The following RNF38 variants were observed in gnomAD, a reference collection of about 807,000 sequenced individuals.
RNF38 encodes E3 ubiquitin-protein ligase RNF38.
A neutral mutation model predicts 67.2 loss-of-function variants in RNF38; 15 were observed. That is an observed-to-expected ratio of 0.22 (90% CI 0.15 to 0.34). The LOEUF (loss-of-function observed/expected upper bound fraction) is 0.34. RNF38 is among the 10% of genes least tolerant of loss of function. The pLI is 1.00. For synonymous variants in RNF38, 220 were observed against 218.8 expected (o/e 1.01, Z -0.05); for missense variants, 524 against 639.9 (o/e 0.82, Z 1.95).
At chr9:36,438,266 A>G (rs1450024341) in intron 1 of RNF38, among the ~76,000 whole-genome samples, 1 of 152,016 alleles carries the variant, frequency 6.6e-6, no homozygotes, top group Non-Finnish European at 1.5e-5. Context: ...CAGACCTTCA[A>G]AGTAGTCCAA....
intron 1 of RNF38, among the ~76,000 whole-genome samples, chr9:36,446,777 C>T (rs535761992): frequency 7.5e-6 from 1 of 133,142 alleles, no homozygotes; most frequent in African/African-American, 2.8e-5. Flanking sequence ...CACTGCACTT[C>T]AGCCTGGGCG....
chr9:36,376,633 GAGTTACATGGGGCCGGGC>G (rs1341552896), intron 2 of RNF38, among the ~76,000 whole-genome samples: 1 of 151,828 alleles, frequency 6.6e-6, no homozygotes, highest in Admixed American at 6.6e-5. Context: ...TTTTTAAAGA[GAGTTACATGGGGCCGGGC>G]ACAGTGGCTC....
intron 1 of RNF38, 25 bp downstream of exon 1, chr9:36,400,072 T>C: frequency 6.2e-7 from 1 of 1,608,460 alleles, no homozygotes; most frequent in African/African-American, 1.3e-5. Context: ...ATATCATTTT[T>C]GCAACACAAA....
At chr9:36,372,884 A>G (rs778421836) in intron 3 of RNF38, among the ~76,000 whole-genome samples, 4 of 152,204 alleles carry the variant, frequency 2.6e-5, no homozygotes, top group Non-Finnish European at 5.9e-5. Flanking sequence ...AGAGAAATGC[A>G]CACACAAAGG....
At chr9:36,427,616 G>A (rs567168129) in intron 1 of RNF38, among the ~76,000 whole-genome samples, 3 of 152,106 alleles carry the variant, frequency 2.0e-5, no homozygotes, top group East Asian at 1.9e-4. Flanking sequence ...GCAGGCCCTC[G>A]CCATAATGAA....
chr9:36,349,030 G>C (rs1212089833), intron 9 of RNF38, among the ~76,000 whole-genome samples: 1 of 151,662 alleles, frequency 6.6e-6, no homozygotes, highest in Non-Finnish European at 1.5e-5. Flanking sequence ...CCATTCTGTG[G>C]GCCCTTAAGA....
chr9:36,469,236 A>C (rs1416136187), intron 1 of RNF38, among the ~76,000 whole-genome samples: 2 of 152,164 alleles, frequency 1.3e-5, no homozygotes, highest in Non-Finnish European at 2.9e-5. Context: ...TTCTATATAG[A>C]GAGAGAGACA....
At chr9:36,453,679 G>A (rs1401827464) in intron 1 of RNF38, among the ~76,000 whole-genome samples, 2 of 151,952 alleles carry the variant, frequency 1.3e-5, no homozygotes, top group African/African-American at 2.4e-5. Context: ...CACTGCGCCC[G>A]CCACTGAGCT....
chr9:36,353,353 C>A (rs1262663755), intron 6 of RNF38, 22 bp from the exon 7 acceptor site: 2 of 1,478,288 alleles, frequency 1.4e-6, no homozygotes, highest in East Asian at 2.4e-5. Context: ...GAAAAAAAAA[C>A]ACATATATGT....
At chr9:36,400,056 T>C (rs1384086366) in intron 1 of RNF38, 41 bp downstream of exon 1, 13 of 1,584,936 alleles carry the variant, frequency 8.2e-6, no homozygotes, top group African/African-American at 4.0e-5. Flanking sequence ...TACTGAATAA[T>C]AGCATATATC....
At chr9:36,434,962 G>A (rs1387394477) in intron 1 of RNF38, among the ~76,000 whole-genome samples, 2 of 151,732 alleles carry the variant, frequency 1.3e-5, no homozygotes, top group Admixed American at 1.3e-4. Context: ...CCACCAATAA[G>A]AGAATACTCT....
chr9:36,455,116 G>T (rs1839556434), intron 1 of RNF38, among the ~76,000 whole-genome samples: 1 of 151,678 alleles, frequency 6.6e-6, no homozygotes, highest in Non-Finnish European at 1.5e-5. Context: ...GCAGAGTGCG[G>T]TGGTGCGATC....
chr9:36,351,995 T>C (rs1245896888), intron 8 of RNF38, among the ~76,000 whole-genome samples: 1 of 152,156 alleles, frequency 6.6e-6, no homozygotes, highest in Admixed American at 6.5e-5. Flanking sequence ...CTTTATTATG[T>C]GAGACAGAAA....
At chr9:36,439,448 T>A (rs951598999) in intron 1 of RNF38, among the ~76,000 whole-genome samples, 1 of 152,168 alleles carries the variant, frequency 6.6e-6, no homozygotes, top group African/African-American at 2.4e-5. Context: ...GAAGCTTATA[T>A]GACGTATGTA....
chr9:36,410,154 G>T (rs1838287560), intron 2 of RNF38, among the ~76,000 whole-genome samples: 1 of 152,058 alleles, frequency 6.6e-6, no homozygotes, highest in Admixed American at 6.6e-5. Flanking sequence ...AACACAGTGG[G>T]TCACATAATC....
At chr9:36,465,736 C>T (rs1048327837) in intron 1 of RNF38, among the ~76,000 whole-genome samples, 14 of 152,106 alleles carry the variant, frequency 9.2e-5, no homozygotes, top group Admixed American at 4.6e-4. Context: ...ACCTATACAA[C>T]TAATATTTAC....
chr9:36,382,702 A>G (rs1207025743), intron 2 of RNF38, among the ~76,000 whole-genome samples: 2 of 152,212 alleles, frequency 1.3e-5, no homozygotes, highest in African/African-American at 4.8e-5. Context: ...CCAAAGCAGC[A>G]AAGAGGCAAC....
At chr9:36,480,548 C>CTTTTTTTTTTT (rs3072687) in intron 1 of RNF38, among the ~76,000 whole-genome samples, 1 of 100,822 alleles carries the variant, frequency 9.9e-6, no homozygotes, top group African/African-American at 3.8e-5. Flanking sequence ...TTTTCTTTTT[C>CTTTTTTTTTTT]TTTTTTTTTT....
intron 2 of RNF38, among the ~76,000 whole-genome samples, chr9:36,407,645 T>C (rs1280001901): frequency 6.6e-6 from 1 of 152,186 alleles, no homozygotes; most frequent in East Asian, 1.9e-4. Context: ...CTCCACTAGA[T>C]GGCCTGCTGT....
Sources: gnomAD v4.1 joint callset for allele counts (sites outside exome capture counted in the v4.1 genomes callset) on GRCh38, gnomAD v4.1.1 for gene constraint, MANE v1.5 for transcripts, NCBI Gene and HGNC (gene_info 2026-07-23, HGNC 2026-07-21) for gene names.